Variants in NYX observed in about 807,000 individuals in gnomAD.
NYX encodes leucine-rich repeat protein.
For synonymous variants in NYX, 258 were observed against 245.7 expected (o/e 1.05, Z -0.47); for missense variants, 481 against 485.4 (o/e 0.99, Z 0.09).
intron 2 of NYX, among the ~76,000 whole-genome samples, chrX:41,467,268 A>G (rs989532666): frequency 2.7e-5 from 3 of 110,935 alleles, no homozygotes; most frequent in Non-Finnish European, 5.7e-5. Flanking sequence ...CTCACTAAAC[A>G]TGTACTTAGT....
intron 2 of NYX, chrX:41,472,175 G>A (rs1265230305): frequency 1.0e-5 from 5 of 487,088 alleles, no homozygotes; most frequent in Non-Finnish European, 1.7e-5. Flanking sequence ...ATAACTCCAT[G>A]GAGCCCAGAG....
Position 41,447,447 on chromosome X carries a change from T to G in NYX, c.-126T>G. 1 of 131,073 alleles carries G rather than the reference T, an allele frequency of 7.6e-6. No individual in the cohort carries two copies. Among genetic ancestry groups the G allele is most frequent in the Non-Finnish European group, 1.5e-5 (1 of 64,888 alleles). The allele number at this position is 131,073 out of a possible 1,213,427, so 10.8% of individuals were successfully genotyped here. On this transcript the variant is annotated 5_prime_UTR_variant, in exon 1 of 3. Transcript: ENST00000378220. ...TTTCAGCATCTGTGGCTGCCTGACT[T>G]GGGAGATGGATGGGCTGAGGGAGTG...
At chrX:41,456,709 A>G (rs1319682483) in intron 2 of NYX, among the ~76,000 whole-genome samples, 1 of 112,019 alleles carries the variant, frequency 8.9e-6, no homozygotes, top group Non-Finnish European at 1.9e-5. Flanking sequence ...TGTTTGATTG[A>G]CAAAGCTATG....
At chrX:41,451,371 C>A (rs2064279424) in intron 2 of NYX, among the ~76,000 whole-genome samples, 1 of 111,949 alleles carries the variant, frequency 8.9e-6, no homozygotes, top group South Asian at 3.7e-4. Flanking sequence ...AGAAGCAATG[C>A]AAATGTCCAT....
At chrX:41,473,453 C>G (rs2064370473) in intron 2 of NYX, 38 bp from the exon 3 acceptor site, 29 of 960,036 alleles carry the variant, frequency 3.0e-5, no homozygotes, top group Non-Finnish European at 3.6e-5. Flanking sequence ...TTTCTCTTTT[C>G]TCCTCCTTCC....
chrX:41,457,514 T>C (rs2064303222), intron 2 of NYX, among the ~76,000 whole-genome samples: 1 of 109,874 alleles, frequency 9.1e-6, no homozygotes. Context: ...TAGTGTGTTA[T>C]GGCAGCCTGA....
At chrX:41,472,739 G>A (rs950154386) in intron 2 of NYX, 2 of 301,753 alleles carry the variant, frequency 6.6e-6, no homozygotes, top group Non-Finnish European at 1.2e-5. Flanking sequence ...CCCGAGCCGC[G>A]GAGCCTGGGT....
Position 41,470,938 on chromosome X carries a change from G to A in NYX, c.23-2553G>A, listed in dbSNP as rs1280600430. 2.7e-5 allele frequency among the ~76,000 whole-genome samples: 3 copies of A among 110,314 alleles called. No individual in the cohort carries two copies. In the East Asian group the frequency reaches 8.5e-4, roughly 31 times the overall value. ...CAAACCCTCAAGGCCACATTCTAGT[G>A]TTCCCCGACCAAACTGAGGGTGGGG... On this transcript the variant is annotated intron_variant, in intron 2 of 2. Coordinates refer to ENST00000378220, the MANE Select transcript of NYX (RefSeq NM_001378477.3).
intron 2 of NYX, among the ~76,000 whole-genome samples, chrX:41,465,918 C>T (rs1488785431): frequency 5.4e-5 from 6 of 110,488 alleles, no homozygotes; most frequent in Non-Finnish European, 3.8e-5. Context: ...TCCCCTTGGG[C>T]TCCCTGGAGT....
intron 2 of NYX, among the ~76,000 whole-genome samples, chrX:41,471,401 C>T (rs890699620): frequency 8.9e-6 from 1 of 112,348 alleles, no homozygotes; most frequent in East Asian, 2.8e-4. Flanking sequence ...CGTGAGCCAC[C>T]GCACCTGGCC....
chrX:41,466,336 C>T (rs2064337798), intron 2 of NYX, among the ~76,000 whole-genome samples: 1 of 79,367 alleles, frequency 1.3e-5, no homozygotes, highest in South Asian at 8.7e-4. Flanking sequence ...GGGAGGATTA[C>T]CCAAGCCCAG....
rs1224665975 is a variant in NYX at position 41,473,550 on chromosome X, G to A, written c.82G>A (p.Ala28Thr). ...GGGGGCCTGCGCCCGCGCTTGTCCC[G>A]CCGCCTGCGCCTGCAGCACCGTGGA... ...AVGACARACP[A>T]ACACSTVERG... The change falls in exon 3 of 3, where the codon GCC becomes ACC. Residue 28 changes from alanine (A) to threonine (T), a missense_variant. Coordinates refer to ENST00000378220, the MANE Select transcript of NYX (RefSeq NM_001378477.3). 2.6e-5 allele frequency: 26 copies of A among 1,005,581 alleles called. No individual in the cohort carries two copies. The East Asian group carries it at 6.8e-4, about 26-fold the overall frequency. 82.9% of individuals were successfully genotyped at this position (1,005,581 alleles called of 1,213,427 possible). A position where few individuals can be genotyped will look rare whatever the true frequency, so the allele number is the denominator to read the frequency against.
intron 2 of NYX, among the ~76,000 whole-genome samples, chrX:41,467,464 G>A (rs2064344814): frequency 9.1e-6 from 1 of 109,738 alleles, no homozygotes. Flanking sequence ...AGCGATTCTT[G>A]TGCGTCAGCC....
Position 41,473,392 on chromosome X carries a change from G to T in NYX, c.23-99G>T. ...GTGGAGGGCCTGCATCCTGCTGCCC[G>T]GACAGGCAGGATTTTTCCTGGGGTG... On this transcript the variant is annotated intron_variant, in intron 2 of 2. Coordinates refer to ENST00000378220, the MANE Select transcript of NYX (RefSeq NM_001378477.3). 7.0e-6 allele frequency: 6 copies of T among 860,189 alleles called. No homozygotes were observed. In the South Asian group the frequency reaches 3.4e-4, roughly 48 times the overall value. The allele number at this position is 860,189 out of a possible 1,213,427, so 70.9% of individuals were successfully genotyped here.
chrX:41,456,197 C>T (rs534011645), intron 2 of NYX, among the ~76,000 whole-genome samples: 2 of 110,784 alleles, frequency 1.8e-5, no homozygotes, highest in Non-Finnish European at 3.8e-5. Context: ...ATTAGTTGGG[C>T]GTGATGGTGC....
Position 41,451,306 on chromosome X carries a change from G to C in NYX, c.22+3380G>C, listed in dbSNP as rs1367420655. On this transcript the variant is annotated intron_variant, in intron 2 of 2. Coordinates refer to ENST00000378220, the MANE Select transcript of NYX (RefSeq NM_001378477.3). ...ATATAACTCAGCCATCCCACTCCTA[G>C]ATAAATGAGAAACAAAAACACATGT... Among the ~76,000 whole-genome samples the C allele has an allele frequency of 7.2e-5, 8 of 111,610 alleles. No individual in the cohort carries two copies. In the Admixed American group the frequency reaches 7.7e-4, roughly 11 times the overall value.
intron 2 of NYX, among the ~76,000 whole-genome samples, chrX:41,460,876 A>ATTCTTTTTTTTTTTTTTTTTTTTT (rs1335308569): frequency 4.0e-5 from 1 of 24,781 alleles, no homozygotes; most frequent in Non-Finnish European, 6.9e-5. Context: ...CACAGTATGT[A>ATTCTTTTTTTTTTTTTTTTTTTTT]TTTTTTTTTT....
intron 2 of NYX, among the ~76,000 whole-genome samples, chrX:41,450,586 A>T (rs930976983): frequency 1.1e-4 from 12 of 105,691 alleles, no homozygotes; most frequent in Admixed American, 4.2e-4. Context: ...TTGCATTTTA[A>T]AGGAAGTCTA....
chrX:41,474,093 C>G lies in NYX; in HGVS notation c.625C>G (p.Gln209Glu). 1 of 1,097,167 alleles carries G rather than the reference C, an allele frequency of 9.1e-7. No individual in the cohort carries two copies. Among genetic ancestry groups the G allele is most frequent in the South Asian group, 2.2e-5 (1 of 44,526 alleles). 90.4% of individuals were successfully genotyped at this position (1,097,167 alleles called of 1,213,427 possible). ...GCGCCGCCTGCGCTCGCTCAGCCTGCAGGCCAACCGCGTCCGTGCCGTGCA... is the reference window on the plus strand; with the variant it reads ...GCGCCGCCTGCGCTCGCTCAGCCTGGAGGCCAACCGCGTCCGTGCCGTGCA... ...GLRRLRSLSL[Q>E]ANRVRAVHAG... Residue 209 changes from glutamine (Q) to glutamate (E), a missense_variant, in exon 3 of 3, where the codon CAG (glutamine) becomes GAG (glutamate). Gln to Glu is a conservative substitution (Grantham distance 29, BLOSUM62 2). Coordinates refer to ENST00000378220, the MANE Select transcript of NYX (RefSeq NM_001378477.3).
Sources: allele counts gnomAD v4.1 joint callset (sites outside exome capture counted in the v4.1 genomes callset), GRCh38; gene constraint gnomAD v4.1.1; transcripts MANE v1.5; gene names NCBI Gene and HGNC (gene_info 2026-07-23, HGNC 2026-07-21).